SAMD9L: variants seen among roughly 807,000 people sequenced by gnomAD.
SAMD9L encodes sterile alpha motif domain-containing protein 9-like.
Under a neutral mutation model 90.7 loss-of-function variants are expected in SAMD9L, and 68 were observed. The observed-to-expected ratio is 0.75, with a 90% CI of 0.62 to 0.92. The LOEUF is 0.92. Ranked by LOEUF, SAMD9L falls within the 40% of genes least tolerant of loss-of-function variation. The pLI, the probability that SAMD9L is intolerant of heterozygous loss-of-function variation, is 0.00. For missense variants in SAMD9L, 1,604 were observed against 1,824.3 expected (o/e 0.88, Z 2.20); for synonymous variants, 640 against 630.1 (o/e 1.02, Z -0.23).
chr7:93,138,777 A>T (rs1792561968), intron 4 of SAMD9L, among the ~76,000 whole-genome samples: 1 of 150,596 alleles, frequency 6.6e-6, no homozygotes, highest in African/African-American at 2.5e-5. Context: ...TCCAGGGCAG[A>T]TGGAGCTTGG....
At position 93,135,197 on chromosome 7, in the gene SAMD9L, C is replaced by A; in HGVS notation, c.775G>T (p.Ala259Ser). ...ATTACATTGAAGTGGTCAATGAAGG[C>A]AGCCTTACTGGTGATTTTCACACCA... ...IVGVKITSKA[A>S]FIDHFNVMIK... Residue 259 changes from alanine to serine, a missense_variant, in exon 5 of 5, where the codon GCC becomes TCC. Coordinates refer to ENST00000318238, the MANE Select transcript of SAMD9L (RefSeq NM_152703.5). 6.2e-7 allele frequency: 1 copy of A among 1,613,984 alleles called. No homozygotes were observed. Among genetic ancestry groups the A allele is most frequent in the Non-Finnish European group, 8.5e-7 (1 of 1,179,972 alleles).
At position 93,131,789 on chromosome 7, in the gene SAMD9L, G is replaced by A. The variant is rs571871712; in HGVS notation, c.4183C>T (p.Pro1395Ser). ...AGTGGTTGAATTAACTTGGAGTTGG[G>A]CTTTAGACAACTCAGAATAATGTTG... ...LANIILSCLK[P>S]NSKLIQPLTT... The change falls in exon 5 of 5, where the codon CCC (proline) becomes TCC (serine). Residue 1395 changes from proline to serine, a missense_variant. By Grantham distance (74) the Pro-to-Ser change is moderately conservative. Around this residue, in one of 7 missense-constraint regions of SAMD9L, gnomAD observed 282 missense variants for 329.6 expected, o/e 0.86. Coordinates refer to ENST00000318238, the MANE Select transcript of SAMD9L (RefSeq NM_152703.5). 17 of 1,613,448 alleles carry A rather than the reference G, an allele frequency of 1.1e-5. No individual in the cohort carries two copies. The highest frequency in any genetic ancestry group is 1.2e-5 in the Non-Finnish European group (14 of 1,179,786).
intron 4 of SAMD9L, among the ~76,000 whole-genome samples, chr7:93,139,822 T>G (rs1041980133): frequency 3.3e-5 from 5 of 152,198 alleles, no homozygotes; most frequent in African/African-American, 1.2e-4. Context: ...TCAGACCCAC[T>G]GCCTTTAGTG....
Position 93,135,603 on chromosome 7 carries a change from G to T in SAMD9L, c.369C>A (p.Pro123=). Residue 123 remains proline, a synonymous_variant, in exon 5 of 5, where the codon CCC becomes CCA. Coordinates refer to ENST00000318238, the MANE Select transcript of SAMD9L (RefSeq NM_152703.5). ...CTTGTTTGATATCTCTGATCTCTCT[G>T]GGATCATAATCAATATTAGATGACA... ...NSMSSNIDYD[P]REIRDIKQEE... The T allele has an allele frequency of 6.2e-7, 1 of 1,613,888 alleles. No homozygotes were observed. The highest frequency in any genetic ancestry group is 8.5e-7 in the Non-Finnish European group (1 of 1,179,904).
At chr7:93,136,194 T>A (rs1388938460) in intron 4 of SAMD9L, among the ~76,000 whole-genome samples, 1 of 152,282 alleles carries the variant, frequency 6.6e-6, no homozygotes, top group African/African-American at 2.4e-5. Context: ...TGACTCTAAT[T>A]GTAATTATGA....
chr7:93,132,007 A>G lies in SAMD9L; in HGVS notation c.3965T>C (p.Leu1322Ser). The G allele has an allele frequency of 6.2e-7, 1 of 1,613,130 alleles. No homozygotes were observed. Among genetic ancestry groups the G allele is most frequent in the South Asian group, 1.1e-5 (1 of 90,728 alleles). ...PCLLQSKESQ[L>S]LQEENCRKKL... The stretch of plus-strand genomic sequence containing the variant: ...TTTCCTGCAATTCTCCTCCTGGAGT[A>G]ATTGACTCTCTTTACTTTGTAATAG... The change falls in exon 5 of 5, where the codon TTA (leucine) becomes TCA (serine). Residue 1322 changes from leucine to serine, a missense_variant. By Grantham distance (145) the Leu-to-Ser change is moderately radical. Coordinates refer to ENST00000318238, the MANE Select transcript of SAMD9L (RefSeq NM_152703.5).
At chr7:93,138,811 T>C (rs1375765806) in intron 4 of SAMD9L, among the ~76,000 whole-genome samples, 1 of 142 alleles carries the variant, frequency 7.0e-3, no homozygotes, top group African/African-American at 0.028. Flanking sequence ...TCATCCCTGA[T>C]ATTCCCATCT....
Position 93,147,051 on chromosome 7 carries a change from T to C in SAMD9L, c.-947A>G, listed in dbSNP as rs1418319403. 1 of 152,202 alleles carries C rather than the reference T, an allele frequency of 6.6e-6. No homozygotes were observed. Among genetic ancestry groups the C allele is most frequent in the Non-Finnish European group, 1.5e-5 (1 of 68,044 alleles). 9.4% of individuals were successfully genotyped at this position (152,202 alleles called of 1,614,324 possible). On this transcript the variant is annotated 5_prime_UTR_variant, in exon 2 of 5. Transcript: ENST00000318238. ...GCTCTTCTGGCAAGGGGCTTACACTTTCCACAGACACAGTCTGCTCGGGTG... is the reference window on the plus strand; with the variant it reads ...GCTCTTCTGGCAAGGGGCTTACACTCTCCACAGACACAGTCTGCTCGGGTG...
At position 93,130,915 on chromosome 7, in the gene SAMD9L, C is replaced by T. The variant is rs1562785196; in HGVS notation, c.*302G>A. ...CTTATAAAAGCAATTGAGTTTAACA[C>T]AGATTTTATTGCCCTATAGACAGTT... On this transcript the variant is annotated 3_prime_UTR_variant, in exon 5 of 5. Coordinates refer to ENST00000318238, the MANE Select transcript of SAMD9L (RefSeq NM_152703.5). The T allele has an allele frequency of 4.5e-6, 1 of 223,642 alleles. No individual in the cohort carries two copies. Among genetic ancestry groups the T allele is most frequent in the Non-Finnish European group, 8.6e-6 (1 of 116,250 alleles). 13.9% of individuals were successfully genotyped at this position (223,642 alleles called of 1,614,324 possible).
At chr7:93,148,129 T>A (rs1474749077) in intron 1 of SAMD9L, 65 bp downstream of exon 1, 5 of 152,184 alleles carry the variant, frequency 3.3e-5, no homozygotes, top group Non-Finnish European at 5.9e-5. Flanking sequence ...ACAGCTGAAG[T>A]TTTAAAAAAT....
At position 93,135,950 on chromosome 7, in the gene SAMD9L, G is replaced by A; in HGVS notation, c.22C>T (p.Pro8Ser). 6.3e-7 allele frequency: 1 copy of A among 1,594,174 alleles called. No individual in the cohort carries two copies. The highest frequency in any genetic ancestry group is 8.5e-7 in the Non-Finnish European group (1 of 1,171,312). ...TTGGTCCAGTCTTTAATCATTTCAG[G>A]TAGAGATACTTGTTTACTCATATCA... MSKQVSL[P>S]EMIKDWTKEH... The change falls in exon 5 of 5, where the codon CCT becomes TCT. Residue 8 changes from proline (P) to serine (S), a missense_variant. By Grantham distance (74) the Pro-to-Ser change is moderately conservative. Transcript: ENST00000318238.
chr7:93,131,147 A>G lies in SAMD9L; in HGVS notation c.*70T>C, dbSNP rs180913082. On this transcript the variant is annotated 3_prime_UTR_variant, in exon 5 of 5. Transcript: ENST00000318238. ...GCCATAATGTTATGAAAGTGCCATG[A>G]GAATAGAGAGAGAGAATAAAATCAT... is the stretch of plus-strand genomic sequence containing the variant. The G allele has an allele frequency of 1.1e-4, 112 of 1,009,752 alleles. 1 individual carries two copies. Among genetic ancestry groups the G allele is most frequent in the Non-Finnish European group, 1.4e-4 (103 of 713,632 alleles). 62.5% of individuals were successfully genotyped at this position (1,009,752 alleles called of 1,614,324 possible). A position where few individuals can be genotyped will look rare whatever the true frequency, so the allele number is the denominator to read the frequency against.
Position 93,134,845 on chromosome 7 carries a change from G to A in SAMD9L, c.1127C>T (p.Ser376Phe). The change falls in exon 5 of 5, where the codon TCT (serine) becomes TTT (phenylalanine). Residue 376 changes from serine to phenylalanine, a missense_variant. By Grantham distance (155) the Ser-to-Phe change is radical. Transcript: ENST00000318238. ...ATACTCTTCTTCAGCCTCTTTTCTA[G>A]ATGCTACCAGTGACTTTAAATTTTG... ...FLQNLKSLVASRKEAEEEYGM... is the reference protein window; with the variant it reads ...FLQNLKSLVAFRKEAEEEYGM... 6.2e-7 allele frequency: 1 copy of A among 1,613,740 alleles called. No individual in the cohort carries two copies. Among genetic ancestry groups the A allele is most frequent in the Non-Finnish European group, 8.5e-7 (1 of 1,179,904 alleles).
At position 93,131,029 on chromosome 7, in the gene SAMD9L, T is replaced by C; in HGVS notation, c.*188A>G. 1 of 464,156 alleles carries C rather than the reference T, an allele frequency of 2.2e-6. No homozygotes were observed. Among genetic ancestry groups the C allele is most frequent in the South Asian group, 5.1e-5 (1 of 19,432 alleles). 28.8% of individuals were successfully genotyped at this position (464,156 alleles called of 1,614,324 possible). A position where few individuals can be genotyped will look rare whatever the true frequency, so the allele number is the denominator to read the frequency against. On this transcript the variant is annotated 3_prime_UTR_variant, in exon 5 of 5. Transcript: ENST00000318238. ...AAACATTAAAAGATTGACTCCACTT[T>C]GTGCCAAGCTCTGCGGGTAGGCATA... is the stretch of plus-strand genomic sequence containing the variant.
chr7:93,139,887 A>C (rs1792613385), intron 4 of SAMD9L, among the ~76,000 whole-genome samples: 1 of 152,174 alleles, frequency 6.6e-6, no homozygotes, highest in African/African-American at 2.4e-5. Flanking sequence ...TATTGATTCT[A>C]CTACTGTCTC....
Position 93,132,497 on chromosome 7 carries a change from C to A in SAMD9L, c.3475G>T (p.Ala1159Ser), listed in dbSNP as rs1218655554. Residue 1159 changes from alanine to serine, a missense_variant, in exon 5 of 5, where the codon GCC (alanine) becomes TCC (serine). Coordinates refer to ENST00000318238, the MANE Select transcript of SAMD9L (RefSeq NM_152703.5). ...TGGGATTCTTTGAAAGCTCTTGAGG[C>A]TTTTTCCGCAGCTTCTAGGAGATGT... is the stretch of plus-strand genomic sequence containing the variant. The part of the protein sequence containing the change: ...LTHLLEAAEK[A>S]SRAFKESQRQ... 1 of 1,613,692 alleles carries A rather than the reference C, an allele frequency of 6.2e-7. No homozygotes were observed. Among genetic ancestry groups the A allele is most frequent in the East Asian group, 2.2e-5 (1 of 44,888 alleles).
chr7:93,135,310 A>G lies in SAMD9L; in HGVS notation c.662T>C (p.Val221Ala), dbSNP rs1046968584. 2.5e-6 allele frequency: 4 copies of G among 1,614,008 alleles called. No homozygotes were observed. The highest frequency in any genetic ancestry group is 2.7e-5 in the African/African-American group (2 of 74,930). The change falls in exon 5 of 5, where the codon GTC becomes GCC. Residue 221 changes from valine (V) to alanine (A), a missense_variant. By Grantham distance (64) the Val-to-Ala change is moderately conservative (BLOSUM62 0). This residue lies in a region of SAMD9L where 374 missense variants were observed against 363.6 expected (regional missense o/e 1.03). Transcript: ENST00000318238. The part of the protein sequence containing the change: ...VDIKMKFSNE[V>A]FRFASACMNS... Reference sequence around the variant, plus strand: ...CATACAAGCTGATGCAAATCGGAAGACTTCATTGCTGAATTTCATCTTAAT... The same window carrying G: ...CATACAAGCTGATGCAAATCGGAAGGCTTCATTGCTGAATTTCATCTTAAT...
Position 93,134,432 on chromosome 7 carries a change from GT to G in SAMD9L, c.1539del (p.Glu513AspfsTer16), listed in dbSNP as rs1229359016. The G allele has an allele frequency of 1.2e-6, 2 of 1,613,838 alleles. No homozygotes were observed. On this transcript the variant is annotated frameshift_variant, in exon 5 of 5. Coordinates refer to ENST00000318238, the MANE Select transcript of SAMD9L (RefSeq NM_152703.5). LOFTEE classifies it high-confidence loss of function. Reference protein sequence around the residue: ...DLKSETYKPLEPHLWQRERAS... With the variant: ...DLKSETYKPLXPHLWQRERAS... ...GCTCTTTCTCTCTGCCATAAATGTG[GT>G]TCTAGAGGTTTATATGTCTCGCTTT...
intron 4 of SAMD9L, among the ~76,000 whole-genome samples, chr7:93,140,259 C>A (rs1792634686): frequency 6.6e-6 from 1 of 151,076 alleles, no homozygotes; most frequent in Non-Finnish European, 1.5e-5. Context: ...CATACTCTGA[C>A]TGGAGCATGC....
Sources: allele counts gnomAD v4.1 joint callset (sites outside exome capture counted in the v4.1 genomes callset), GRCh38; gene constraint gnomAD v4.1.1; regional missense constraint gnomAD v4.1.1; transcripts MANE v1.5; gene names NCBI Gene and HGNC (gene_info 2026-07-23, HGNC 2026-07-21).